The following MED13L variants were observed in gnomAD, a reference collection of about 807,000 sequenced individuals.
The protein encoded by MED13L is mediator complex subunit 13L, also known as mediator of RNA polymerase II transcription subunit 13-like.
A neutral mutation model predicts 220.9 loss-of-function variants in MED13L; 7 were observed. The ratio of observed to expected loss-of-function variants is 0.03; its 90% CI spans 0.02 to 0.06. The LOEUF is 0.06. MED13L is among the 10% of genes least tolerant of loss of function. The pLI is 1.00. For missense variants in MED13L, 1,965 were observed against 2,760.5 expected (o/e 0.71, Z 6.46); for synonymous variants, 1,011 against 1,015.2 (o/e 1.00, Z 0.08).
intron 4 of MED13L, among the ~76,000 whole-genome samples, chr12:116,047,774 A>C (rs1881926553): frequency 6.6e-6 from 1 of 152,090 alleles, no homozygotes; most frequent in Non-Finnish European, 1.5e-5. Context: ...TCACTACAAG[A>C]AGTTTTGCCC....
At chr12:116,056,946 C>G (rs1236258495) in intron 4 of MED13L, among the ~76,000 whole-genome samples, 2 of 152,168 alleles carry the variant, frequency 1.3e-5, no homozygotes, top group Non-Finnish European at 1.5e-5. Context: ...TACTAAAATA[C>G]AGAATATACT....
intron 1 of MED13L, among the ~76,000 whole-genome samples, chr12:116,274,982 C>T (rs1478860415): frequency 1.4e-5 from 2 of 146,190 alleles, no homozygotes; most frequent in Non-Finnish European, 3.0e-5. Flanking sequence ...ATCATCCTTA[C>T]TTAAGCTTTA....
intron 2 of MED13L, among the ~76,000 whole-genome samples, chr12:116,213,733 C>A (rs1021004520): frequency 2.0e-5 from 3 of 152,082 alleles, no homozygotes; most frequent in Non-Finnish European, 4.4e-5. Context: ...TTTATTTTTA[C>A]CACTTTGTAA....
chr12:115,993,857 T>C (rs777880659), intron 16 of MED13L, among the ~76,000 whole-genome samples: 9 of 151,706 alleles, frequency 5.9e-5, no homozygotes, highest in African/African-American at 2.2e-4. Context: ...TAGTCAAAAG[T>C]GAAAAAGAGA....
intron 4 of MED13L, among the ~76,000 whole-genome samples, chr12:116,059,738 T>C (rs961253506): frequency 3.9e-5 from 6 of 152,266 alleles, no homozygotes; most frequent in Non-Finnish European, 4.4e-5. Flanking sequence ...TTTTACACTG[T>C]AAAAGTATTT....
At chr12:116,126,691 T>C (rs1160752525) in intron 2 of MED13L, among the ~76,000 whole-genome samples, 1 of 152,210 alleles carries the variant, frequency 6.6e-6, no homozygotes, top group African/African-American at 2.4e-5. Flanking sequence ...CCTGAGCCAC[T>C]GGGCAATGCT....
At chr12:116,231,513 C>T (rs911164601) in intron 2 of MED13L, among the ~76,000 whole-genome samples, 2 of 152,122 alleles carry the variant, frequency 1.3e-5, no homozygotes, top group African/African-American at 4.8e-5. Flanking sequence ...AAGACAACTT[C>T]AGGAATATTC....
At chr12:116,243,619 G>C (rs1444418422) in intron 1 of MED13L, among the ~76,000 whole-genome samples, 1 of 151,850 alleles carries the variant, frequency 6.6e-6, no homozygotes, top group African/African-American at 2.4e-5. Flanking sequence ...ACAGCAACTA[G>C]ATCCCTTGTG....
intron 2 of MED13L, among the ~76,000 whole-genome samples, chr12:116,120,830 CTATGTT>C (rs1319129326): frequency 1.7e-4 from 26 of 152,152 alleles, no homozygotes; most frequent in African/African-American, 5.8e-4. Flanking sequence ...TCTCTATAGA[CTATGTT>C]TATAAGTCTA....
intron 4 of MED13L, among the ~76,000 whole-genome samples, chr12:116,025,709 T>TATCAGAGGC (rs1387991120): frequency 2.6e-5 from 4 of 152,220 alleles, no homozygotes; most frequent in Non-Finnish European, 5.9e-5. Context: ...GAATTGCCAT[T>TATCAGAGGC]ATCAGAGGCA....
intron 4 of MED13L, among the ~76,000 whole-genome samples, chr12:116,058,753 G>C (rs1473319802): frequency 1.3e-5 from 2 of 152,178 alleles, no homozygotes; most frequent in Non-Finnish European, 2.9e-5. Context: ...CAACAGCATA[G>C]TAGAGTAGAC....
intron 12 of MED13L, 70 bp from the exon 13 acceptor site, chr12:116,006,063 C>T (rs768015934): frequency 5.7e-6 from 9 of 1,590,118 alleles, no homozygotes; most frequent in African/African-American, 1.3e-5. Flanking sequence ...GGAGAGGACA[C>T]GGATCTCAAT....
At chr12:116,031,739 AGAAAAGAAAAGAAAAGAAAAGAAG>A (rs1566020715) in intron 4 of MED13L, among the ~76,000 whole-genome samples, 243 of 67,544 alleles carry the variant, frequency 3.6e-3, no homozygotes, top group Non-Finnish European at 4.6e-3. Context: ...AGAAAAGAAA[AGAAAAGAAAAGAAAAGAAAAGAAG>A]GAAGGAAGGA....
rs1875887187 is a variant in MED13L at position 115,963,158 on chromosome 12, G to A, written c.6500+249C>T. On this transcript the variant is annotated intron_variant, in intron 30 of 30. Transcript: ENST00000281928. ...TGACCTCTCTTCATCACCATGAAGTGCCTGCTCTGAACAGGAAGCAAAGGC... is the reference window on the plus strand; with the variant it reads ...TGACCTCTCTTCATCACCATGAAGTACCTGCTCTGAACAGGAAGCAAAGGC... Among the ~76,000 whole-genome samples the A allele has an allele frequency of 2.0e-5, 3 of 152,132 alleles. No individual in the cohort carries two copies. In the South Asian group the frequency reaches 6.2e-4, roughly 32 times the overall value.
At chr12:116,107,941 T>C (rs1334822333) in intron 3 of MED13L, among the ~76,000 whole-genome samples, 1 of 152,066 alleles carries the variant, frequency 6.6e-6, no homozygotes, top group African/African-American at 2.4e-5. Context: ...AATACAAAAA[T>C]TAGCTGGGCA....
chr12:116,112,189 C>G (rs1874147823), intron 2 of MED13L, among the ~76,000 whole-genome samples: 1 of 152,122 alleles, frequency 6.6e-6, no homozygotes, highest in Non-Finnish European at 1.5e-5. Context: ...CCATGCATTC[C>G]TAAAATTCCT....
intron 4 of MED13L, among the ~76,000 whole-genome samples, chr12:116,062,800 G>GA (rs1869619706): frequency 1.3e-5 from 2 of 152,120 alleles, no homozygotes; most frequent in South Asian, 2.1e-4. Context: ...AGGTTGGAGT[G>GA]AAAGCTTTTT....
intron 4 of MED13L, among the ~76,000 whole-genome samples, chr12:116,086,437 C>A (rs1008356745): frequency 1.3e-5 from 2 of 152,014 alleles, no homozygotes; most frequent in Non-Finnish European, 2.9e-5. Context: ...CTTGCACCAC[C>A]ACGCCCAGCT....
chr12:115,982,147 T>C, intron 22 of MED13L: 2 of 527,398 alleles, frequency 3.8e-6, no homozygotes, highest in Non-Finnish European at 6.8e-6. Flanking sequence ...GTGTAAGGTG[T>C]ATATGAAACA....
Sources: allele counts gnomAD v4.1 joint callset (sites outside exome capture counted in the v4.1 genomes callset), GRCh38; gene constraint gnomAD v4.1.1; transcripts MANE v1.5; gene names NCBI Gene and HGNC (gene_info 2026-07-23, HGNC 2026-07-21).